ARHGEF28: variants seen among roughly 807,000 people sequenced by gnomAD.
The protein encoded by ARHGEF28 is Rho guanine nucleotide exchange factor 28.
ARHGEF28 carries 152 observed loss-of-function variants against 206.6 expected under a neutral mutation model. The ratio of observed to expected loss-of-function variants is 0.74; its 90% CI spans 0.64 to 0.84. The LOEUF (loss-of-function observed/expected upper bound fraction) is 0.84. Ranked by LOEUF, ARHGEF28 falls within the 40% of genes least tolerant of loss-of-function variation. The probability of loss-of-function intolerance (pLI) is 0.00; values close to 1 mark genes in which losing one functional copy is unlikely to be tolerated. For missense variants in ARHGEF28, 2,028 were observed against 2,073.2 expected (o/e 0.98, Z 0.42); for synonymous variants, 763 against 776.4 (o/e 0.98, Z 0.29).
At position 73,840,760 on chromosome 5, in the gene ARHGEF28, G is replaced by A. The variant is rs756488817; in HGVS notation, c.1427G>A (p.Ser476Asn). 6.2e-6 allele frequency: 10 copies of A among 1,605,286 alleles called. No individual in the cohort carries two copies. The highest frequency in any genetic ancestry group is 7.7e-6 in the Non-Finnish European group (9 of 1,175,362). Residue 476 changes from serine to asparagine, a missense_variant and splice_region_variant, in exon 11 of 36, where the codon AGT becomes AAT. By Grantham distance (46) the Ser-to-Asn change is conservative. Coordinates refer to ENST00000513042, the MANE Select transcript of ARHGEF28 (RefSeq NM_001177693.2). ...EKEQSHLKKR[S>N]SSLDALDADS... ...GAACAAAGTCATCTAAAGAAAAGAA[G>A]GTAAGAGTCTATATTGTAGAGGAAA...
chr5:73,928,125 T>C (rs1295544921), intron 35 of ARHGEF28, among the ~76,000 whole-genome samples: 1 of 152,200 alleles, frequency 6.6e-6, no homozygotes, highest in Non-Finnish European at 1.5e-5. Flanking sequence ...TTGTAGTTGA[T>C]AAAGAGGAAA....
At chr5:73,721,945 A>G (rs190980131) in intron 2 of ARHGEF28, among the ~76,000 whole-genome samples, 64 of 152,302 alleles carry the variant, frequency 4.2e-4, no homozygotes, top group African/African-American at 1.2e-3. Context: ...CAGTTTTGTC[A>G]TGAGCTCAGT....
chr5:73,871,302 C>G (rs1195854816), intron 21 of ARHGEF28, among the ~76,000 whole-genome samples: 5 of 152,006 alleles, frequency 3.3e-5, no homozygotes, highest in Non-Finnish European at 5.9e-5. Flanking sequence ...TTTTCTGGGT[C>G]ATAATGTATT....
In ARHGEF28 at chr5:73,932,800, C is replaced by CTTTTTT. The variant is rs386404110; in HGVS notation, c.4949-8023_4949-8018dup. 2.7e-4 allele frequency among the ~76,000 whole-genome samples: 20 copies of CTTTTTT among 73,432 alleles called. 3 individuals carry two copies. The highest frequency in any genetic ancestry group is 5.0e-4 in the African/African-American group (9 of 17,936). The allele number at this position is 73,432 out of a possible 152,430, so 48.2% of individuals were successfully genotyped here. On this transcript the variant is annotated intron_variant, in intron 35 of 35. Coordinates refer to ENST00000513042, the MANE Select transcript of ARHGEF28 (RefSeq NM_001177693.2). ...GTTATACTACTTTTATTTCCTATTT[C>CTTTTTT]TTTTTTTTTTTTTTTTTTTTTTTTT...
intron 2 of ARHGEF28, among the ~76,000 whole-genome samples, chr5:73,736,333 C>T (rs1259563504): frequency 6.6e-6 from 1 of 152,154 alleles, no homozygotes; most frequent in African/African-American, 2.4e-5. Context: ...GCAGGGCTTG[C>T]TGGGAGTTAA....
At chr5:73,812,079 T>A (rs1442429139) in intron 9 of ARHGEF28, among the ~76,000 whole-genome samples, 1 of 152,176 alleles carries the variant, frequency 6.6e-6, no homozygotes, top group African/African-American at 2.4e-5. Context: ...TATTTTGTTT[T>A]AGTTGTATGT....
chr5:73,641,152 T>A (rs1356423307), intron 1 of ARHGEF28, among the ~76,000 whole-genome samples: 1 of 152,224 alleles, frequency 6.6e-6, no homozygotes, highest in Non-Finnish European at 1.5e-5. Flanking sequence ...TAAGACCACT[T>A]GAGAAACAGC....
chr5:73,674,622 G>A (rs1406557634), intron 1 of ARHGEF28, among the ~76,000 whole-genome samples: 1 of 152,202 alleles, frequency 6.6e-6, no homozygotes, highest in Non-Finnish European at 1.5e-5. Context: ...GGTGACTGGT[G>A]GCTGGCAGCC....
Position 73,762,395 on chromosome 5 carries a change from G to A in ARHGEF28, c.475+9193G>A, listed in dbSNP as rs560672901. The stretch of plus-strand genomic sequence containing the variant: ...TGCATGAACCCAGGAGATGGAGGTT[G>A]CAGTGAGCCAAGATCACACCACTGC... On this transcript the variant is annotated intron_variant, in intron 4 of 35. Transcript: ENST00000513042. 2.0e-5 allele frequency among the ~76,000 whole-genome samples: 3 copies of A among 147,052 alleles called. No individual in the cohort carries two copies. In the South Asian group the frequency reaches 6.4e-4, roughly 31 times the overall value.
At position 73,909,403 on chromosome 5, in the gene ARHGEF28, C is replaced by A. The variant is rs377338878; in HGVS notation, c.4162-9C>A. On this transcript the variant is annotated splice_polypyrimidine_tract_variant and intron_variant, in intron 33 of 35. Coordinates refer to ENST00000513042, the MANE Select transcript of ARHGEF28 (RefSeq NM_001177693.2). ...TGTTCAGTGATTTTTCCTCTGTCTGCTCTGACAGGCCGCCTTGACCATTCA... is the reference window on the plus strand; with the variant it reads ...TGTTCAGTGATTTTTCCTCTGTCTGATCTGACAGGCCGCCTTGACCATTCA... 6.3e-7 allele frequency: 1 copy of A among 1,588,106 alleles called. No individual in the cohort carries two copies. Among genetic ancestry groups the A allele is most frequent in the Non-Finnish European group, 8.6e-7 (1 of 1,162,890 alleles).
At position 73,913,279 on chromosome 5, in the gene ARHGEF28, A is replaced by T. The variant is rs562070982; in HGVS notation, c.4948+1704A>T. Among the ~76,000 whole-genome samples, 580 of 152,310 alleles carry T rather than the reference A, an allele frequency of 3.8e-3. 3 individuals are homozygous for T. Among genetic ancestry groups the T allele is most frequent in the Non-Finnish European group, 6.1e-3 (414 of 68,036 alleles). On this transcript the variant is annotated intron_variant, in intron 35 of 35. Coordinates refer to ENST00000513042, the MANE Select transcript of ARHGEF28 (RefSeq NM_001177693.2). ...AACATCCTGGTTTATATAAGTAGGG[A>T]TTACATCAGAAATGCTGTGTGTACT...
chr5:73,890,499 C>A (rs1761559832), intron 26 of ARHGEF28, among the ~76,000 whole-genome samples: 1 of 152,204 alleles, frequency 6.6e-6, no homozygotes, highest in Non-Finnish European at 1.5e-5. Context: ...AGTATTCCAA[C>A]AACTCTGCCA....
chr5:73,815,969 G>A (rs575861349), intron 9 of ARHGEF28, among the ~76,000 whole-genome samples: 2 of 152,310 alleles, frequency 1.3e-5, no homozygotes, highest in South Asian at 4.1e-4. Flanking sequence ...GTTATGAAGA[G>A]CGGGTTTGGT....
intron 2 of ARHGEF28, among the ~76,000 whole-genome samples, chr5:73,718,972 C>G (rs967383279): frequency 1.3e-5 from 2 of 152,182 alleles, no homozygotes; most frequent in African/African-American, 4.8e-5. Flanking sequence ...AACAGCCTCC[C>G]CAAATCACAG....
chr5:73,705,001 C>T (rs1482521722), intron 2 of ARHGEF28, among the ~76,000 whole-genome samples: 1 of 152,152 alleles, frequency 6.6e-6, no homozygotes, highest in Admixed American at 6.5e-5. Flanking sequence ...GGTTCATGTA[C>T]ACAACTTGGA....
chr5:73,646,690 T>C (rs1036115502), intron 1 of ARHGEF28, among the ~76,000 whole-genome samples: 1 of 152,240 alleles, frequency 6.6e-6, no homozygotes, highest in African/African-American at 2.4e-5. Flanking sequence ...TAAGATCTCC[T>C]TAAAAGTATT....
chr5:73,653,815 G>A (rs1211063874), intron 1 of ARHGEF28, among the ~76,000 whole-genome samples: 1 of 152,114 alleles, frequency 6.6e-6, no homozygotes, highest in Non-Finnish European at 1.5e-5. Context: ...TGGCATTCCT[G>A]CCCTCTGTTC....
chr5:73,799,676 A>G (rs1309407586), intron 9 of ARHGEF28, among the ~76,000 whole-genome samples: 2 of 152,230 alleles, frequency 1.3e-5, no homozygotes, highest in Non-Finnish European at 2.9e-5. Context: ...TTATTTGGCC[A>G]AAGCTGAATA....
chr5:73,652,518 G>T (rs537364299), intron 1 of ARHGEF28, among the ~76,000 whole-genome samples: 2 of 152,302 alleles, frequency 1.3e-5, no homozygotes, highest in East Asian at 3.9e-4. Flanking sequence ...TAGGGGCTAG[G>T]CAGGGTGGGG....
Sources: gnomAD v4.1 joint callset for allele counts (sites outside exome capture counted in the v4.1 genomes callset) on GRCh38, gnomAD v4.1.1 for gene constraint, MANE v1.5 for transcripts, NCBI Gene and HGNC (gene_info 2026-07-23, HGNC 2026-07-21) for gene names.